GTF3C1: variants seen among roughly 807,000 people sequenced by gnomAD.
GTF3C1 encodes the protein general transcription factor IIIC subunit 1.
A neutral mutation model predicts 226.7 loss-of-function variants in GTF3C1; 57 were observed. That is an observed-to-expected ratio of 0.25 (90% CI 0.20 to 0.31). The LOEUF is 0.31. Ranked by LOEUF, GTF3C1 falls within the 10% of genes least tolerant of loss-of-function variation. GTF3C1 has a pLI of 1.00. For synonymous variants in GTF3C1, 1,090 were observed against 1,084.8 expected, an observed-to-expected ratio of 1.00 and a Z score of -0.09; for missense variants, 2,217 against 2,776.1, an observed-to-expected ratio of 0.80 and a Z score of 4.53.
At chr16:27,541,462 T>C (rs951888143) in intron 2 of GTF3C1, among the ~76,000 whole-genome samples, 4 of 152,172 alleles carry the variant, frequency 2.6e-5, no homozygotes, top group Non-Finnish European at 5.9e-5. Flanking sequence ...CATATTATTA[T>C]AGAACTGAGA....
chr16:27,494,267 G>A (rs959422822), intron 16 of GTF3C1, among the ~76,000 whole-genome samples: 1 of 151,952 alleles, frequency 6.6e-6, no homozygotes, highest in African/African-American at 2.4e-5. Flanking sequence ...CTGGCGTGGT[G>A]GTGGGTGCCT....
intron 28 of GTF3C1, 35 bp downstream of exon 28, chr16:27,478,434 G>T (rs1321350369): frequency 1.0e-5 from 14 of 1,368,152 alleles, no homozygotes; most frequent in Non-Finnish European, 1.5e-5. Context: ...TTATTAAGCA[G>T]CTGAGGAAAA....
At position 27,486,170 on chromosome 16, in the gene GTF3C1, G is replaced by A. The variant is rs2088135859; in HGVS notation, c.3701-16C>T. ...GGGAACTCTCCTAAAAACACCAGAG[G>A]GAGAAGGCAGGAGACCTCTAACACC... is the stretch of plus-strand genomic sequence containing the variant. On this transcript the variant is annotated splice_polypyrimidine_tract_variant and intron_variant, in intron 23 of 36. Coordinates refer to ENST00000356183, the MANE Select transcript of GTF3C1 (RefSeq NM_001520.4). The A allele has an allele frequency of 2.6e-6, 4 of 1,524,308 alleles. No individual in the cohort carries two copies. The highest frequency in any genetic ancestry group is 1.7e-5 in the Admixed American group (1 of 57,768). 94.4% of individuals were successfully genotyped at this position (1,524,308 alleles called of 1,614,324 possible).
At chr16:27,477,672 G>T (rs558789076) in intron 28 of GTF3C1, among the ~76,000 whole-genome samples, 1 of 152,316 alleles carries the variant, frequency 6.6e-6, no homozygotes, top group Non-Finnish European at 1.5e-5. Flanking sequence ...TATAACATAT[G>T]TAAGATACAA....
intron 27 of GTF3C1, 114 bp from the exon 28 acceptor site, chr16:27,478,645 G>A (rs538816436): frequency 1.0e-5 from 8 of 791,132 alleles, no homozygotes; most frequent in African/African-American, 6.7e-5. Flanking sequence ...TGGGAGAAAT[G>A]TTAAACTCAC....
Position 27,493,053 on chromosome 16 carries a change from A to T in GTF3C1, c.2876+146T>A, listed in dbSNP as rs1279918233. On this transcript the variant is annotated intron_variant, in intron 17 of 36. Transcript: ENST00000356183. Reference sequence around the variant, plus strand: ...AAATATACCAGCCCATACTTCATTAATATTAATAACTTAATAAAAATCTTG... The same window carrying T: ...AAATATACCAGCCCATACTTCATTATTATTAATAACTTAATAAAAATCTTG... 68 of 601,756 alleles carry T rather than the reference A, an allele frequency of 1.1e-4. No individual in the cohort carries two copies. In the Admixed American group the frequency reaches 1.2e-3, roughly 11 times the overall value. The allele number at this position is 601,756 out of a possible 1,614,324, so 37.3% of individuals were successfully genotyped here. A position where few individuals can be genotyped will look rare whatever the true frequency, so the allele number is the denominator to read the frequency against.
chr16:27,539,967 T>C (rs1453870138), intron 2 of GTF3C1, among the ~76,000 whole-genome samples: 1 of 151,890 alleles, frequency 6.6e-6, no homozygotes, highest in Non-Finnish European at 1.5e-5. Context: ...GATGAAGGAG[T>C]CACCAAGGGT....
At position 27,480,874 on chromosome 16, in the gene GTF3C1, G is replaced by T. The variant is rs1021120017; in HGVS notation, c.4196+205C>A. On this transcript the variant is annotated intron_variant, in intron 27 of 36. Coordinates refer to ENST00000356183, the MANE Select transcript of GTF3C1 (RefSeq NM_001520.4). ...AAGGAAGCCTGAAGGACCAATGGGA[G>T]AATGAACATAAATGCCCGGCAGGGT... 1.5e-5 allele frequency: 8 copies of T among 545,756 alleles called. No homozygotes were observed. In the African/African-American group the frequency reaches 1.5e-4, roughly 10 times the overall value. 33.8% of individuals were successfully genotyped at this position (545,756 alleles called of 1,614,324 possible). A position where few individuals can be genotyped will look rare whatever the true frequency, so the allele number is the denominator to read the frequency against.
rs772922145 is a variant in GTF3C1 at position 27,494,921 on chromosome 16, C to T, written c.2633-13G>A. The T allele has an allele frequency of 3.2e-5, 51 of 1,610,458 alleles. No homozygotes were observed. The highest frequency in any genetic ancestry group is 3.4e-4 in the Middle Eastern group (2 of 5,888). Reference sequence around the variant, plus strand: ...TCGTCGACATACACTAGGAAAAAAACGCACGGTTACCCCCGGCAGCCAGGA... The same window carrying T: ...TCGTCGACATACACTAGGAAAAAAATGCACGGTTACCCCCGGCAGCCAGGA... On this transcript the variant is annotated splice_polypyrimidine_tract_variant and intron_variant, in intron 15 of 36. Coordinates refer to ENST00000356183, the MANE Select transcript of GTF3C1 (RefSeq NM_001520.4).
chr16:27,489,507 C>G, intron 20 of GTF3C1, 95 bp downstream of exon 20: 2 of 988,098 alleles, frequency 2.0e-6, no homozygotes, highest in Non-Finnish European at 3.0e-6. Flanking sequence ...GGCCGTCTGG[C>G]CTGACATCCT....
intron 28 of GTF3C1, 86 bp downstream of exon 28, chr16:27,478,383 G>C: frequency 1.1e-6 from 1 of 925,410 alleles, no homozygotes; most frequent in South Asian, 1.3e-5. Context: ...GCTGGATTTG[G>C]CCCTAGATTA....
chr16:27,489,670 C>G lies in GTF3C1; in HGVS notation c.3225G>C (p.Gln1075His). 1 of 1,611,742 alleles carries G rather than the reference C, an allele frequency of 6.2e-7. No homozygotes were observed. Among genetic ancestry groups the G allele is most frequent in the Admixed American group, 1.7e-5 (1 of 59,938 alleles). The stretch of plus-strand genomic sequence containing the variant: ...TGTCCATGGCGCTCTCCTGCTCCTT[C>G]TGCAGGCTGCCCTCCTCGTCGCTGC... ...DQGSDEEGSL[Q>H]KEQESAMDKH... The change falls in exon 20 of 37, where the codon CAG becomes CAC. Residue 1075 changes from glutamine (Q) to histidine (H), a missense_variant. By Grantham distance (24) the Gln-to-His change is conservative. Transcript: ENST00000356183.
Position 27,537,818 on chromosome 16 carries a change from T to G in GTF3C1, c.718A>C (p.Ile240Leu). The change falls in exon 4 of 37, where the codon ATC (isoleucine) becomes CTC (leucine). Residue 240 changes from isoleucine (I) to leucine (L), a missense_variant. Ile to Leu is a conservative substitution (Grantham distance 5). Transcript: ENST00000356183. ...TGAAACCGGTTCAGTAGGAGGAGGATTGAGTGTTGCTGGGCTCCAGTGGGT... is the reference window on the plus strand; with the variant it reads ...TGAAACCGGTTCAGTAGGAGGAGGAGTGAGTGTTGCTGGGCTCCAGTGGGT... ...RLPTGAQQHS[I>L]LLLLNRFHVD... is the part of the protein sequence containing the mutation. The G allele has an allele frequency of 6.2e-7, 1 of 1,612,508 alleles. No individual in the cohort carries two copies. Among genetic ancestry groups the G allele is most frequent in the Non-Finnish European group, 8.5e-7 (1 of 1,178,542 alleles).
rs754224428 is a variant in GTF3C1, at chr16:27,511,828, G to A, written c.1047C>T (p.Asp349=). Residue 349 remains aspartate (D), a synonymous_variant, in exon 7 of 37, where the codon GAC becomes GAT. Coordinates refer to ENST00000356183, the MANE Select transcript of GTF3C1 (RefSeq NM_001520.4). The part of the protein sequence containing the change: ...FKRNDHDDDE[D]EEVISKTVPP... ...GCACTGTCTTGGAGATGACCTCCTCGTCCTCGTCATCATCATGGTCATTCC... is the reference window on the plus strand; with the variant it reads ...GCACTGTCTTGGAGATGACCTCCTCATCCTCGTCATCATCATGGTCATTCC... The A allele has an allele frequency of 7.4e-6, 12 of 1,613,944 alleles. No homozygotes were observed. Among genetic ancestry groups the A allele is most frequent in the South Asian group, 3.3e-5 (3 of 91,072 alleles).
chr16:27,476,910 T>C (rs920055340), intron 28 of GTF3C1, among the ~76,000 whole-genome samples: 27 of 152,202 alleles, frequency 1.8e-4, no homozygotes, highest in African/African-American at 5.1e-4. Flanking sequence ...TTATCCAAGA[T>C]GGAAAAACAA....
At chr16:27,501,958 C>T (rs947648863) in intron 11 of GTF3C1, among the ~76,000 whole-genome samples, 8 of 151,958 alleles carry the variant, frequency 5.3e-5, no homozygotes, top group Non-Finnish European at 1.2e-4. Context: ...CAAAAATTAG[C>T]CAGGTGGGTG....
intron 28 of GTF3C1, among the ~76,000 whole-genome samples, chr16:27,477,543 G>A (rs2087969794): frequency 6.6e-6 from 1 of 152,216 alleles, no homozygotes; most frequent in South Asian, 2.1e-4. Flanking sequence ...GACCTCAGGT[G>A]ATCCGCCGGC....
At chr16:27,491,615 G>T (rs2088234012) in intron 19 of GTF3C1, among the ~76,000 whole-genome samples, 1 of 152,160 alleles carries the variant, frequency 6.6e-6, no homozygotes, top group Admixed American at 6.5e-5. Flanking sequence ...TAGGGAGAGA[G>T]AGGGGTGTGG....
Position 27,464,510 on chromosome 16 carries a change from G to C in GTF3C1, c.5682C>G (p.Ala1894=). ...CTTCAGCTCCGGGCCCAAGGCTGGGGGCCAAATTTGAGTCCTGGAGCGCTG... is the reference window on the plus strand; with the variant it reads ...CTTCAGCTCCGGGCCCAAGGCTGGGCGCCAAATTTGAGTCCTGGAGCGCTG... The part of the protein sequence containing the change: ...KRPALQDSNL[A]PSLGPGAEDG... Residue 1894 remains alanine (A), a synonymous_variant, in exon 34 of 37, where the codon GCC becomes GCG. Transcript: ENST00000356183. 6.6e-7 allele frequency: 1 copy of C among 1,523,168 alleles called. No homozygotes were observed. The highest frequency in any genetic ancestry group is 8.8e-7 in the Non-Finnish European group (1 of 1,137,524). 94.4% of individuals were successfully genotyped at this position (1,523,168 alleles called of 1,614,324 possible).
Sources: gnomAD v4.1 joint callset for allele counts (sites outside exome capture counted in the v4.1 genomes callset) on GRCh38, gnomAD v4.1.1 for gene constraint, MANE v1.5 for transcripts, NCBI Gene and HGNC (gene_info 2026-07-23, HGNC 2026-07-21) for gene names.